The following METTL2B variants were observed in gnomAD, a reference collection of about 807,000 sequenced individuals.
METTL2B encodes the protein methyltransferase 2B, tRNA N3-cytidine, also known as tRNA N(3)-cytidine methyltransferase METTL2B.
In METTL2B, 28 loss-of-function variants were observed where a neutral mutation model predicts 51.0. That is an observed-to-expected ratio of 0.55 (90% confidence interval 0.41 to 0.75). The LOEUF (loss-of-function observed/expected upper bound fraction) is 0.75, where lower values mean the gene tolerates loss of function less well. Ranked by LOEUF, METTL2B falls within the 30% of genes least tolerant of loss-of-function variation. METTL2B has a pLI of 0.00. For synonymous variants in METTL2B, 128 were observed against 166.3 expected (o/e 0.77, Z 1.77); for missense variants, 313 against 460.7 (o/e 0.68, Z 2.93).
Position 128,500,936 on chromosome 7 carries a change from G to A in METTL2B, c.950G>A (p.Gly317Asp). The change falls in exon 8 of 9, where the codon GGT (glycine) becomes GAT (aspartate). Residue 317 changes from glycine (G) to aspartate (D), a missense_variant. By Grantham distance (94) the Gly-to-Asp change is moderately conservative. Around this residue, in one of 4 missense-constraint regions of METTL2B, gnomAD observed 138 missense variants for 187.6 expected, o/e 0.74. Transcript: ENST00000262432. ...QCLSGNFYVR[G>D]DGTRVYFFTQ... Reference sequence around the variant, plus strand: ...CTATCTGGAAATTTCTATGTGAGAGGTGATGGAACCAGAGTTTACTTCTTC... The same window carrying A: ...CTATCTGGAAATTTCTATGTGAGAGATGATGGAACCAGAGTTTACTTCTTC... The A allele has an allele frequency of 6.2e-7, 1 of 1,614,156 alleles. No homozygotes were observed. The highest frequency in any genetic ancestry group is 8.5e-7 in the Non-Finnish European group (1 of 1,180,012).
intron 5 of METTL2B, among the ~76,000 whole-genome samples, chr7:128,489,629 C>CTTTTT (rs71160655): frequency 1.8e-5 from 2 of 111,056 alleles, no homozygotes; most frequent in Non-Finnish European, 3.4e-5. Context: ...CTGGCAATTT[C>CTTTTT]TTTTTTTTTT....
Position 128,479,312 on chromosome 7 carries a change from C to T in METTL2B, c.357C>T (p.Asn119=). The T allele has an allele frequency of 6.2e-7, 1 of 1,614,158 alleles. No homozygotes were observed. ...QNHLKDWFLE[N]KSEVCECRNN... ...ATTTGAAGGATTGGTTCTTGGAGAA[C>T]AAGAGTGAAGTATGTGAATGTAGAA... Residue 119 remains asparagine (N), a synonymous_variant, in exon 3 of 9, where the codon AAC becomes AAT. Transcript: ENST00000262432.
chr7:128,480,595 C>T (rs1436199675), intron 3 of METTL2B, 52 bp from the exon 4 acceptor site: 27 of 1,611,652 alleles, frequency 1.7e-5, no homozygotes, highest in South Asian at 3.3e-5. Flanking sequence ...TTCTAGCTTT[C>T]GGGAATTAAC....
Position 128,488,271 on chromosome 7 carries a change from G to A in METTL2B, c.669+110G>A, listed in dbSNP as rs564483600. 2.4e-5 allele frequency: 31 copies of A among 1,277,536 alleles called. No individual in the cohort carries two copies. In the East Asian group the frequency reaches 3.4e-4, roughly 14 times the overall value. 79.1% of individuals were successfully genotyped at this position (1,277,536 alleles called of 1,614,324 possible). On this transcript the variant is annotated intron_variant, in intron 5 of 8. Transcript: ENST00000262432. ...GTTCTTATACGGTCTGTGTTCTTAC[G>A]GTCTAAAAGTAAAAGATTTACTGAT...
intron 4 of METTL2B, chr7:128,483,394 C>T (rs1341965553): frequency 1.3e-5 from 2 of 152,400 alleles, no homozygotes; most frequent in African/African-American, 4.8e-5. Flanking sequence ...CCTCTTATCC[C>T]TCAGTGCACT....
chr7:128,482,690 T>C (rs1406411474), intron 4 of METTL2B, among the ~76,000 whole-genome samples: 1 of 152,114 alleles, frequency 6.6e-6, no homozygotes, highest in African/African-American at 2.4e-5. Context: ...TGCGCCACAA[T>C]GCCCAGCTAA....
intron 4 of METTL2B, among the ~76,000 whole-genome samples, chr7:128,486,557 C>T (rs1792722783): frequency 6.6e-6 from 1 of 150,526 alleles, no homozygotes; most frequent in South Asian, 2.1e-4. Context: ...CTGAGATTGT[C>T]CCACTGTACT....
At chr7:128,489,095 CAG>C (rs1379385245) in intron 5 of METTL2B, among the ~76,000 whole-genome samples, 1 of 151,670 alleles carries the variant, frequency 6.6e-6, no homozygotes, top group Non-Finnish European at 1.5e-5. Flanking sequence ...AGCTAGACGA[CAG>C]AGCGAGACTC....
chr7:128,484,031 G>A (rs1792632478), intron 4 of METTL2B: 1 of 150,580 alleles, frequency 6.6e-6, no homozygotes, highest in African/African-American at 2.4e-5. Context: ...GCTAATTTCT[G>A]TACTTTTTAG....
At chr7:128,483,839 C>T (rs1468874186) in intron 4 of METTL2B, 7 of 152,542 alleles carry the variant, frequency 4.6e-5, no homozygotes, top group Admixed American at 4.6e-4. Flanking sequence ...ATTCTCCTGC[C>T]TCAGCCTCCC....
Position 128,502,268 on chromosome 7 carries a change from T to C in METTL2B, c.*352T>C, listed in dbSNP as rs1262697592. ...AACATAATTTTCTCAAGTTCTTTCT[T>C]TGAGACCTCAATCTGTCTTAGCATT... On this transcript the variant is annotated 3_prime_UTR_variant, in exon 9 of 9. Coordinates refer to ENST00000262432, the MANE Select transcript of METTL2B (RefSeq NM_018396.3). The C allele has an allele frequency of 3.9e-6, 1 of 259,678 alleles. No individual in the cohort carries two copies. Among genetic ancestry groups the C allele is most frequent in the Non-Finnish European group, 7.4e-6 (1 of 134,872 alleles). 16.1% of individuals were successfully genotyped at this position (259,678 alleles called of 1,614,324 possible). A position where few individuals can be genotyped will look rare whatever the true frequency, so the allele number is the denominator to read the frequency against.
At position 128,485,021 on chromosome 7, in the gene METTL2B, G is replaced by T. The variant is rs953102212; in HGVS notation, c.609-3080G>T. On this transcript the variant is annotated intron_variant, in intron 4 of 8. Transcript: ENST00000262432. ...ATTTCCCAATTTCCCCCAATCTCTA[G>T]CCCTAAGCAACCACTACTCTACAAA... 1.1e-4 allele frequency among the ~76,000 whole-genome samples: 17 copies of T among 152,108 alleles called. No individual in the cohort carries two copies. The South Asian group carries it at 1.2e-3, about 11-fold the overall frequency.
At chr7:128,476,922 C>G in intron 1 of METTL2B, 47 bp downstream of exon 1, 2 of 1,609,360 alleles carry the variant, frequency 1.2e-6, no homozygotes, top group Non-Finnish European at 1.7e-6. Context: ...CCGTCTGTCC[C>G]GCCGCCTCGG....
At chr7:128,493,990 G>C (rs1792880775) in intron 6 of METTL2B, 47 bp downstream of exon 6, 1 of 1,587,186 alleles carries the variant, frequency 6.3e-7, no homozygotes, top group South Asian at 1.1e-5. Context: ...AGAAAGCTTT[G>C]GTGAGGGACC....
chr7:128,483,659 A>G (rs1224216078), intron 4 of METTL2B, among the ~76,000 whole-genome samples: 1 of 152,134 alleles, frequency 6.6e-6, no homozygotes, highest in Non-Finnish European at 1.5e-5. Context: ...ATCCTGCCTC[A>G]GCCTCCCGAG....
At chr7:128,478,312 G>C (rs936942261) in intron 2 of METTL2B, among the ~76,000 whole-genome samples, 2 of 150,192 alleles carry the variant, frequency 1.3e-5, no homozygotes, top group Admixed American at 6.7e-5. Context: ...GTGCAGTGGC[G>C]CGATCTCAGC....
intron 3 of METTL2B, among the ~76,000 whole-genome samples, chr7:128,480,126 A>C (rs554062156): frequency 6.6e-6 from 1 of 152,332 alleles, no homozygotes; most frequent in South Asian, 2.1e-4. Context: ...CTCTCTGAGC[A>C]GTGAGACTGC....
At chr7:128,490,858 A>T (rs1792815540) in intron 5 of METTL2B, among the ~76,000 whole-genome samples, 1 of 152,158 alleles carries the variant, frequency 6.6e-6, no homozygotes. Context: ...TTGAGGGTAG[A>T]TGCCTTAAAA....
At chr7:128,498,781 C>G (rs1433714587) in intron 7 of METTL2B, among the ~76,000 whole-genome samples, 1 of 152,084 alleles carries the variant, frequency 6.6e-6, no homozygotes, top group Non-Finnish European at 1.5e-5. Context: ...GGCAGATCAC[C>G]TGAGGTCAAG....
Sources: allele counts gnomAD v4.1 joint callset (sites outside exome capture counted in the v4.1 genomes callset), GRCh38; gene constraint gnomAD v4.1.1; regional missense constraint gnomAD v4.1.1; transcripts MANE v1.5; gene names NCBI Gene and HGNC (gene_info 2026-07-23, HGNC 2026-07-21).